Variants in NKAIN2 observed in about 807,000 individuals in gnomAD.
NKAIN2 encodes the protein sodium/potassium transporting ATPase interacting 2.
In NKAIN2, 14 loss-of-function variants were observed where a neutral mutation model predicts 32.6. That is an observed-to-expected ratio of 0.43 (90% CI 0.28 to 0.67). The LOEUF is 0.67. Ranked by LOEUF, NKAIN2 falls within the 30% of genes least tolerant of loss-of-function variation. The pLI, the probability that NKAIN2 is intolerant of heterozygous loss-of-function variation, is 0.17. For synonymous variants in NKAIN2, 80 were observed against 87.2 expected (o/e 0.92, Z 0.46); for missense variants, 198 against 258.3 (o/e 0.77, Z 1.60).
intron 4 of NKAIN2, among the ~76,000 whole-genome samples, chr6:124,731,740 G>T (rs1776689165): frequency 6.6e-6 from 1 of 151,728 alleles, no homozygotes; most frequent in African/African-American, 2.4e-5. Context: ...GAAGTTTCAT[G>T]AAAATAGAGA....
At chr6:124,764,175 C>T (rs1778403917) in intron 4 of NKAIN2, among the ~76,000 whole-genome samples, 1 of 152,094 alleles carries the variant, frequency 6.6e-6, no homozygotes, top group Admixed American at 6.5e-5. Context: ...AAAATAATTG[C>T]ATATTTTATT....
At chr6:124,768,814 T>A (rs1318064847) in intron 4 of NKAIN2, among the ~76,000 whole-genome samples, 1 of 152,124 alleles carries the variant, frequency 6.6e-6, no homozygotes, top group Non-Finnish European at 1.5e-5. Flanking sequence ...GAAAGAAAAA[T>A]TTATACTTAG....
intron 4 of NKAIN2, among the ~76,000 whole-genome samples, chr6:124,708,536 TCTC>T (rs1479312385): frequency 1.3e-5 from 2 of 152,048 alleles, no homozygotes; most frequent in East Asian, 3.9e-4. Flanking sequence ...GGTTTGTAGT[TCTC>T]CTTGAAGAGG....
At chr6:124,353,775 G>C (rs894450263) in intron 2 of NKAIN2, among the ~76,000 whole-genome samples, 2 of 151,252 alleles carry the variant, frequency 1.3e-5, no homozygotes, top group African/African-American at 2.4e-5. Context: ...GAGGCACAGA[G>C]GTGGGAAATA....
In NKAIN2 at chr6:124,787,416, G is replaced by C. The variant is rs148955350; in HGVS notation, c.475-3923G>C. Among the ~76,000 whole-genome samples the C allele has an allele frequency of 6.8e-3, 1,033 of 152,224 alleles. 16 individuals carry two copies. Among genetic ancestry groups the C allele is most frequent in the African/African-American group, 0.024 (977 of 41,556 alleles). Reference sequence around the variant, plus strand: ...ATCCAGCTTAGCAACTCAGGACTCTGTTTTCAAAAACAAATGCAAAAAAAG... The same window carrying C: ...ATCCAGCTTAGCAACTCAGGACTCTCTTTTCAAAAACAAATGCAAAAAAAG... On this transcript the variant is annotated intron_variant, in intron 4 of 6. Coordinates refer to ENST00000368417, the MANE Select transcript of NKAIN2 (RefSeq NM_001040214.3).
intron 1 of NKAIN2, among the ~76,000 whole-genome samples, chr6:123,927,541 C>A (rs1776056218): frequency 6.6e-6 from 1 of 152,178 alleles, no homozygotes; most frequent in Admixed American, 6.5e-5. Flanking sequence ...TGTCCGATGC[C>A]TCCAATTCTA....
intron 3 of NKAIN2, among the ~76,000 whole-genome samples, chr6:124,447,746 A>G (rs538544474): frequency 6.6e-6 from 1 of 152,258 alleles, no homozygotes; most frequent in South Asian, 2.1e-4. Flanking sequence ...TGCAGGGCAT[A>G]GTAACCGTGG....
chr6:124,472,878 ATGTG>A (rs1562206351), intron 3 of NKAIN2, among the ~76,000 whole-genome samples: 2 of 152,110 alleles, frequency 1.3e-5, no homozygotes, highest in Non-Finnish European at 2.9e-5. Context: ...AAGAAAGAGA[ATGTG>A]TGTGCTATCT....
intron 2 of NKAIN2, among the ~76,000 whole-genome samples, chr6:124,340,334 T>G (rs1228817327): frequency 1.3e-5 from 2 of 152,184 alleles, no homozygotes; most frequent in African/African-American, 4.8e-5. Flanking sequence ...CAAAAATCAC[T>G]ATATGATTAT....
At chr6:123,850,671 T>A (rs1008442529) in intron 1 of NKAIN2, among the ~76,000 whole-genome samples, 1 of 152,226 alleles carries the variant, frequency 6.6e-6, no homozygotes, top group African/African-American at 2.4e-5. Context: ...TATTTTGAAA[T>A]ATGCAGTTGC....
chr6:124,611,679 G>T (rs1583517798), intron 3 of NKAIN2, among the ~76,000 whole-genome samples: 1 of 152,034 alleles, frequency 6.6e-6, no homozygotes, highest in African/African-American at 2.4e-5. Flanking sequence ...AGACAGATTT[G>T]GTGGATTAGA....
At chr6:124,609,240 G>T (rs1053226279) in intron 3 of NKAIN2, among the ~76,000 whole-genome samples, 1 of 152,126 alleles carries the variant, frequency 6.6e-6, no homozygotes, top group African/African-American at 2.4e-5. Context: ...ACAGCCCCAA[G>T]AGGAGGTTAA....
chr6:124,818,041 CT>C (rs1236535485), intron 5 of NKAIN2, among the ~76,000 whole-genome samples: 1 of 152,130 alleles, frequency 6.6e-6, no homozygotes, highest in African/African-American at 2.4e-5. Context: ...CACAGAAAAT[CT>C]ACACTAACCA....
At chr6:124,547,223 A>C (rs2114858184) in intron 3 of NKAIN2, among the ~76,000 whole-genome samples, 1 of 152,350 alleles carries the variant, frequency 6.6e-6, no homozygotes, top group African/African-American at 2.4e-5. Context: ...AGAAAATTAA[A>C]TGTCTAAAAT....
At chr6:124,175,857 T>C (rs1373796897) in intron 1 of NKAIN2, among the ~76,000 whole-genome samples, 1 of 152,186 alleles carries the variant, frequency 6.6e-6, no homozygotes, top group Admixed American at 6.6e-5. Flanking sequence ...TGTACATCTC[T>C]CTCTTGCCCT....
At chr6:124,025,857 A>G (rs2114772099) in intron 1 of NKAIN2, among the ~76,000 whole-genome samples, 1 of 152,262 alleles carries the variant, frequency 6.6e-6, no homozygotes, top group African/African-American at 2.4e-5. Context: ...CAACAGAGAA[A>G]AGTACAGAGC....
intron 1 of NKAIN2, among the ~76,000 whole-genome samples, chr6:123,911,856 CACAT>C (rs1315612835): frequency 1.5e-5 from 2 of 137,444 alleles, no homozygotes; most frequent in African/African-American, 5.9e-5. Flanking sequence ...CACACACACA[CACAT>C]ATCAATTCCC....
intron 3 of NKAIN2, among the ~76,000 whole-genome samples, chr6:124,614,258 G>C (rs7768259): frequency 0.18 from 28,010 of 152,068 alleles, 2,906 homozygotes; most frequent in African/African-American, 0.28. Flanking sequence ...GCCTGGCGTG[G>C]TGGCACGTGC....
intron 4 of NKAIN2, among the ~76,000 whole-genome samples, chr6:124,704,617 T>TGA (rs908271398): frequency 1.3e-5 from 2 of 148,544 alleles, no homozygotes; most frequent in Non-Finnish European, 3.0e-5. Context: ...AAACAAAAAG[T>TGA]GAGAGAGAGA....
Sources: gnomAD v4.1 joint callset for allele counts (sites outside exome capture counted in the v4.1 genomes callset) on GRCh38, gnomAD v4.1.1 for gene constraint, MANE v1.5 for transcripts, NCBI Gene and HGNC (gene_info 2026-07-23, HGNC 2026-07-21) for gene names.